Variants in KCNT2 observed in about 807,000 individuals in gnomAD.
KCNT2 encodes the protein potassium channel subfamily T member 2.
Under a neutral mutation model 153.8 loss-of-function variants are expected in KCNT2, and 67 were observed. That is an observed-to-expected ratio of 0.44 (90% CI 0.36 to 0.53). The LOEUF (loss-of-function observed/expected upper bound fraction) is 0.53. Among genes scored for constraint, KCNT2 ranks in the 20% least tolerant of loss-of-function variants. The pLI is 0.00. For missense variants in KCNT2, 975 were observed against 1,354.8 expected (o/e 0.72, Z 4.40); for synonymous variants, 500 against 458.8 (o/e 1.09, Z -1.15).
chr1:196,593,295 A>AATATATATATATATAT (rs200795914), intron 1 of KCNT2, among the ~76,000 whole-genome samples: 7 of 128,810 alleles, frequency 5.4e-5, no homozygotes, highest in African/African-American at 2.0e-4. Context: ...TCATATATAT[A>AATATATATATATATAT]ATATATATAT....
intron 1 of KCNT2, among the ~76,000 whole-genome samples, chr1:196,600,999 AT>A (rs1452376567): frequency 6.6e-6 from 1 of 152,066 alleles, no homozygotes; most frequent in African/African-American, 2.4e-5. Flanking sequence ...TCTATAAGTG[AT>A]TTTCTCCATA....
intron 14 of KCNT2, among the ~76,000 whole-genome samples, chr1:196,354,044 C>T (rs540481528): frequency 8.6e-5 from 13 of 151,892 alleles, no homozygotes; most frequent in South Asian, 6.2e-4. Flanking sequence ...TGACTTCCTA[C>T]GTTTTTATGA....
At chr1:196,487,446 C>A (rs373539729) in intron 3 of KCNT2, among the ~76,000 whole-genome samples, 2 of 82,930 alleles carry the variant, frequency 2.4e-5, no homozygotes, top group Non-Finnish European at 6.4e-5. Flanking sequence ...ATGTATGTGT[C>A]TGTGTCTGTG....
intron 14 of KCNT2, among the ~76,000 whole-genome samples, chr1:196,354,239 C>A (rs1666993501): frequency 6.6e-6 from 1 of 151,644 alleles, no homozygotes; most frequent in Non-Finnish European, 1.5e-5. Context: ...TGGGAGTCTA[C>A]CTCTTTCACA....
At chr1:196,293,782 A>G (rs1660414330) in intron 22 of KCNT2, among the ~76,000 whole-genome samples, 2 of 152,002 alleles carry the variant, frequency 1.3e-5, no homozygotes, top group Admixed American at 1.3e-4. Context: ...TTTATTGTCT[A>G]GGAACCCAAA....
chr1:196,365,317 A>G (rs1353476053), intron 14 of KCNT2, among the ~76,000 whole-genome samples: 3 of 151,944 alleles, frequency 2.0e-5, no homozygotes, highest in African/African-American at 7.2e-5. Context: ...TATATTGTTC[A>G]TTTCAAATGG....
intron 13 of KCNT2, among the ~76,000 whole-genome samples, chr1:196,378,892 C>T (rs1306013224): frequency 6.7e-6 from 1 of 149,590 alleles, no homozygotes; most frequent in Non-Finnish European, 1.5e-5. Flanking sequence ...GCTAAAACTA[C>T]TACCTCCCCC....
chr1:196,452,768 G>T (rs1457784897), intron 8 of KCNT2, among the ~76,000 whole-genome samples: 3 of 151,954 alleles, frequency 2.0e-5, no homozygotes, highest in Admixed American at 1.3e-4. Flanking sequence ...AAGGCTGATG[G>T]TGTGAGAGAC....
At chr1:196,390,315 A>C (rs1284892041) in intron 13 of KCNT2, among the ~76,000 whole-genome samples, 2 of 151,614 alleles carry the variant, frequency 1.3e-5, no homozygotes, top group Non-Finnish European at 3.0e-5. Flanking sequence ...TGTTAAATAG[A>C]CATTGAAATG....
At chr1:196,460,501 TA>T (rs1188686343) in intron 8 of KCNT2, among the ~76,000 whole-genome samples, 1 of 151,790 alleles carries the variant, frequency 6.6e-6, no homozygotes, top group African/African-American at 2.4e-5. Context: ...CCAACTACCA[TA>T]AGAGATGCTG....
chr1:196,239,990 G>A (rs1048358666), intron 26 of KCNT2, among the ~76,000 whole-genome samples: 1 of 152,014 alleles, frequency 6.6e-6, no homozygotes, highest in African/African-American at 2.4e-5. Flanking sequence ...GGCCTCAGAA[G>A]AAATCAAATT....
chr1:196,283,065 A>T lies in KCNT2; in HGVS notation c.2698-709T>A, dbSNP rs147084180. On this transcript the variant is annotated intron_variant, in intron 23 of 27. Transcript: ENST00000294725. Reference sequence around the variant, plus strand: ...TCCCATGTTGGCCATGCTGGTCTAGAACTCCTGGCCTCAAGTGATCGCCTG... The same window carrying T: ...TCCCATGTTGGCCATGCTGGTCTAGTACTCCTGGCCTCAAGTGATCGCCTG... Among the ~76,000 whole-genome samples the T allele has an allele frequency of 3.7e-4, 57 of 152,326 alleles. No individual in the cohort carries two copies. In the East Asian group the frequency reaches 0.011, roughly 29 times the overall value.
rs115615662 is a variant in KCNT2 at position 196,366,699 on chromosome 1, A to G, written c.1403+6441T>C. Among the ~76,000 whole-genome samples, 129 of 152,164 alleles carry G rather than the reference A, an allele frequency of 8.5e-4. 1 individual carries two copies. The highest frequency in any genetic ancestry group is 3.0e-3 in the African/African-American group (124 of 41,532). On this transcript the variant is annotated intron_variant, in intron 14 of 27. Coordinates refer to ENST00000294725, the MANE Select transcript of KCNT2 (RefSeq NM_198503.5). The stretch of plus-strand genomic sequence containing the variant: ...GCCCTTCCCTACTTAATTTTTCTCC[A>G]TAGCACTACTGCCAGCAGAAATATT...
rs570557952 is a variant in KCNT2, at chr1:196,558,174, A to C, written c.95+50041T>G. Among the ~76,000 whole-genome samples the C allele has an allele frequency of 1.2e-3, 184 of 151,396 alleles. 1 individual carries two copies. The South Asian group carries it at 0.014, about 11-fold the overall frequency. The stretch of plus-strand genomic sequence containing the variant: ...AGAAAATGACACAATATAATGAAAC[A>C]AAAAAAATCTTCAGTAGAGGCAGCT... On this transcript the variant is annotated intron_variant, in intron 1 of 27. Coordinates refer to ENST00000294725, the MANE Select transcript of KCNT2 (RefSeq NM_198503.5).
intron 1 of KCNT2, among the ~76,000 whole-genome samples, chr1:196,497,938 AT>A (rs1303143873): frequency 6.6e-6 from 1 of 152,136 alleles, no homozygotes; most frequent in African/African-American, 2.4e-5. Context: ...TTATTCTAGT[AT>A]CTTCGAATAT....
At chr1:196,478,930 GC>G (rs2148696622) in intron 5 of KCNT2, among the ~76,000 whole-genome samples, 1 of 152,148 alleles carries the variant, frequency 6.6e-6, no homozygotes, top group African/African-American at 2.4e-5. Flanking sequence ...CATTCCATTT[GC>G]TTGTCTCACT....
At chr1:196,346,534 T>C (rs1314885834) in intron 14 of KCNT2, among the ~76,000 whole-genome samples, 2 of 152,186 alleles carry the variant, frequency 1.3e-5, no homozygotes, top group African/African-American at 4.8e-5. Context: ...TAGCACACTA[T>C]TTCAATTATT....
intron 10 of KCNT2, among the ~76,000 whole-genome samples, chr1:196,426,744 C>A (rs749041911): frequency 6.6e-6 from 1 of 151,286 alleles, no homozygotes; most frequent in Non-Finnish European, 1.5e-5. Flanking sequence ...GATTTGCGTC[C>A]CTGTCCAAAC....
intron 13 of KCNT2, among the ~76,000 whole-genome samples, chr1:196,380,756 A>G (rs1216213323): frequency 6.6e-6 from 1 of 152,216 alleles, no homozygotes; most frequent in African/African-American, 2.4e-5. Flanking sequence ...TTTGCTTATT[A>G]GATTCTATTT....
Sources: gnomAD v4.1 joint callset for allele counts (sites outside exome capture counted in the v4.1 genomes callset) on GRCh38, gnomAD v4.1.1 for gene constraint, MANE v1.5 for transcripts, NCBI Gene and HGNC (gene_info 2026-07-23, HGNC 2026-07-21) for gene names.